The following ICE1 variants were observed in gnomAD, a reference collection of about 807,000 sequenced individuals.
ICE1 encodes little elongation complex subunit 1.
A neutral mutation model predicts 192.7 loss-of-function variants in ICE1; 64 were observed. The observed-to-expected ratio is 0.33, with a 90% confidence interval of 0.27 to 0.41. ICE1 has a LOEUF of 0.41. ICE1 is among the 10% of genes least tolerant of loss of function. ICE1 has a pLI of 1.00. For synonymous variants in ICE1, 1,010 were observed against 984.5 expected (o/e 1.03, Z -0.49); for missense variants, 2,708 against 2,696.0 (o/e 1.00, Z -0.10).
In ICE1 at chr5:5,461,820, G is replaced by T. The variant is rs988368397; in HGVS notation, c.2486G>T (p.Arg829Ile). 1.3e-5 allele frequency: 21 copies of T among 1,613,842 alleles called. No homozygotes were observed. Among genetic ancestry groups the T allele is most frequent in the Non-Finnish European group, 1.5e-5 (18 of 1,179,892 alleles). Residue 829 changes from arginine (R) to isoleucine (I), a missense_variant, in exon 13 of 19, where the codon AGA becomes ATA. This residue lies in a region of ICE1 where 2,366 missense variants were observed against 2,276.6 expected (regional missense o/e 1.04). Coordinates refer to ENST00000296564, the MANE Select transcript of ICE1 (RefSeq NM_015325.3). ...AAGGCAATGCCATTCCTACAAAATA[G>T]AGGACCAACACCCAAGCCTGATCTT... ...LQKAMPFLQN[R>I]GPTPKPDLLR...
chr5:5,446,757 C>G (rs1034733858), intron 7 of ICE1, among the ~76,000 whole-genome samples: 6 of 152,070 alleles, frequency 3.9e-5, no homozygotes, highest in African/African-American at 1.4e-4. Flanking sequence ...AATATCCAAA[C>G]TTGTTAGAGG....
chr5:5,480,509 A>G (rs558765786), intron 17 of ICE1, among the ~76,000 whole-genome samples: 7 of 152,220 alleles, frequency 4.6e-5, no homozygotes, highest in Non-Finnish European at 1.0e-4. Flanking sequence ...CGGCCTCCCA[A>G]AGTGCTGGGA....
chr5:5,453,490 G>C (rs1259089011), intron 10 of ICE1, among the ~76,000 whole-genome samples: 3 of 152,078 alleles, frequency 2.0e-5, no homozygotes, highest in Admixed American at 2.0e-4. Flanking sequence ...TTAAAGTTTG[G>C]TCTTTTAAGC....
chr5:5,457,763 T>G (rs1304291673), intron 12 of ICE1, 22 bp downstream of exon 12: 1 of 1,595,014 alleles, frequency 6.3e-7, no homozygotes, highest in Non-Finnish European at 8.6e-7. Flanking sequence ...TCTCTGAATT[T>G]GAATTACCAA....
chr5:5,460,987 A>C lies in ICE1; in HGVS notation c.1653A>C (p.Val551=). The stretch of plus-strand genomic sequence containing the variant: ...TCATGGAATCTGAAGGAAAAACCGT[A>C]TTGTCTAAAATGATGGGATCGCCCA... ...NELMESEGKT[V]LSKMMGSPKS... is the part of the protein sequence containing the mutation. The change falls in exon 13 of 19, where the codon GTA becomes GTC. Residue 551 remains valine, a synonymous_variant. Transcript: ENST00000296564. 1 of 1,614,056 alleles carries C rather than the reference A, an allele frequency of 6.2e-7. No individual in the cohort carries two copies. Among genetic ancestry groups the C allele is most frequent in the Admixed American group, 1.7e-5 (1 of 60,028 alleles).
In ICE1 at chr5:5,462,911, G is replaced by T; in HGVS notation, c.3577G>T (p.Val1193Phe). ...AGGGGATTATAGTTCAGGGGACTCT[G>T]TTTCTGAATGTTCTAGTAAAGGAAC... is the stretch of plus-strand genomic sequence containing the variant. ...QLGDYSSGDS[V>F]SECSSKGTLS... Residue 1193 changes from valine to phenylalanine, a missense_variant, in exon 13 of 19, where the codon GTT becomes TTT. By Grantham distance (50) the Val-to-Phe change is conservative (BLOSUM62 -1). Transcript: ENST00000296564. 6.2e-7 allele frequency: 1 copy of T among 1,608,598 alleles called. No homozygotes were observed. The highest frequency in any genetic ancestry group is 1.1e-5 in the South Asian group (1 of 89,954).
At chr5:5,440,374 C>T (rs1318620951) in intron 4 of ICE1, among the ~76,000 whole-genome samples, 1 of 152,166 alleles carries the variant, frequency 6.6e-6, no homozygotes, top group African/African-American at 2.4e-5. Context: ...AATTGCCTGT[C>T]ACTTAAATTG....
At chr5:5,475,175 C>G (rs983348146) in intron 16 of ICE1, among the ~76,000 whole-genome samples, 14 of 152,124 alleles carry the variant, frequency 9.2e-5, no homozygotes, top group Non-Finnish European at 1.9e-4. Flanking sequence ...GCTTCGTCCA[C>G]GATCCCTGCA....
At chr5:5,431,341 C>G (rs983969378) in intron 1 of ICE1, among the ~76,000 whole-genome samples, 2 of 152,154 alleles carry the variant, frequency 1.3e-5, no homozygotes, top group African/African-American at 4.8e-5. Context: ...TATAAATACT[C>G]GAATGTTTTC....
intron 17 of ICE1, among the ~76,000 whole-genome samples, chr5:5,476,881 G>T (rs1367553855): frequency 1.3e-5 from 2 of 152,068 alleles, no homozygotes; most frequent in Non-Finnish European, 2.9e-5. Context: ...CTTGATAAGG[G>T]TCACTTAAGC....
intron 1 of ICE1, 115 bp from the exon 2 acceptor site, chr5:5,436,303 C>T: frequency 3.0e-6 from 2 of 667,982 alleles, no homozygotes; most frequent in Non-Finnish European, 4.7e-6. Context: ...AATGCATTAA[C>T]ATTTCTATGT....
intron 4 of ICE1, among the ~76,000 whole-genome samples, chr5:5,440,323 A>T (rs1738002379): frequency 6.6e-6 from 1 of 152,194 alleles, no homozygotes; most frequent in South Asian, 2.1e-4. Context: ...TGGATTCATC[A>T]CCCAGATGAA....
Position 5,450,140 on chromosome 5 carries a change from G to T in ICE1, c.604+2243G>T, listed in dbSNP as rs574798932. ...AGCAACAGACGCAAGAAGACTGAGA[G>T]AAACAGTCTTTAATTATGAATGAGA... On this transcript the variant is annotated intron_variant, in intron 10 of 18. Transcript: ENST00000296564. 1.1e-4 allele frequency among the ~76,000 whole-genome samples: 16 copies of T among 152,358 alleles called. 1 individual carries two copies. The highest frequency in any genetic ancestry group is 3.8e-4 in the African/African-American group (16 of 41,600).
Position 5,466,514 on chromosome 5 carries a change from T to C in ICE1, c.6061+12T>C. ...CCTACTTAAAGAAGGTATGCTTAGA[T>C]TGTGACAATTTTGTATTGAAAATAT... On this transcript the variant is annotated intron_variant, in intron 14 of 18. Coordinates refer to ENST00000296564, the MANE Select transcript of ICE1 (RefSeq NM_015325.3). 1 of 1,592,450 alleles carries C rather than the reference T, an allele frequency of 6.3e-7. No individual in the cohort carries two copies. The highest frequency in any genetic ancestry group is 8.5e-7 in the Non-Finnish European group (1 of 1,171,630).
Position 5,447,842 on chromosome 5 carries a change from G to A in ICE1, c.549G>A (p.Glu183=). The A allele has an allele frequency of 4.4e-6, 7 of 1,578,592 alleles. No individual in the cohort carries two copies. The highest frequency in any genetic ancestry group is 6.0e-6 in the Non-Finnish European group (7 of 1,159,774). The change falls in exon 10 of 19, where the codon GAG becomes GAA. Residue 183 remains glutamate, a splice_region_variant and synonymous_variant. Coordinates refer to ENST00000296564, the MANE Select transcript of ICE1 (RefSeq NM_015325.3). ...ACCGTTTTTTCCCCATGCTTTTAGA[G>A]TTGAGACATATTGGAACACAAATTT... ...DEFSKQKNEK[E]LRHIGTQISS...
chr5:5,460,882 C>T lies in ICE1; in HGVS notation c.1548C>T (p.Ser516=), dbSNP rs200502665. The T allele has an allele frequency of 1.1e-5, 18 of 1,613,886 alleles. No homozygotes were observed. The highest frequency in any genetic ancestry group is 1.4e-5 in the Non-Finnish European group (16 of 1,179,896). ...RGLCIERLSA[S]PAQEKEAAPG... Reference sequence around the variant, plus strand: ...TATGCATTGAGAGATTGTCTGCCAGCCCTGCACAAGAGAAGGAAGCTGCCC... The same window carrying T: ...TATGCATTGAGAGATTGTCTGCCAGTCCTGCACAAGAGAAGGAAGCTGCCC... The change falls in exon 13 of 19, where the codon AGC becomes AGT. Residue 516 remains serine, a synonymous_variant. Transcript: ENST00000296564.
At position 5,464,606 on chromosome 5, in the gene ICE1, G is replaced by C. The variant is rs1258185624; in HGVS notation, c.5272G>C (p.Glu1758Gln). Reference protein sequence around the residue: ...SVKILDTMYPELSARARTLNI... With the variant: ...SVKILDTMYPQLSARARTLNI... ...GAAAATCCTTGACACCATGTATCCA[G>C]AGTTATCTGCCAGGGCCCGGACCCT... The change falls in exon 13 of 19, where the codon GAG becomes CAG. Residue 1758 changes from glutamate (E) to glutamine (Q), a missense_variant. Coordinates refer to ENST00000296564, the MANE Select transcript of ICE1 (RefSeq NM_015325.3). The surrounding 1 kb of genome is among the most constrained non-coding windows in gnomAD (Gnocchi z 4.0). 1 of 1,611,660 alleles carries C rather than the reference G, an allele frequency of 6.2e-7. No homozygotes were observed. Among genetic ancestry groups the C allele is most frequent in the East Asian group, 2.2e-5 (1 of 44,808 alleles).
At chr5:5,456,391 C>G (rs1489962720) in intron 11 of ICE1, among the ~76,000 whole-genome samples, 1 of 152,178 alleles carries the variant, frequency 6.6e-6, no homozygotes, top group Non-Finnish European at 1.5e-5. Flanking sequence ...TTTTATTTGT[C>G]TCATTCCATC....
chr5:5,426,882 A>G (rs1302832159), intron 1 of ICE1, among the ~76,000 whole-genome samples: 1 of 152,236 alleles, frequency 6.6e-6, no homozygotes, highest in Non-Finnish European at 1.5e-5. Context: ...AGGTACAGAG[A>G]GAAGATATTC....
Sources: gnomAD v4.1 joint callset for allele counts (sites outside exome capture counted in the v4.1 genomes callset) on GRCh38, gnomAD v4.1.1 for gene constraint, gnomAD v4.1.1 regional missense constraint, Gnocchi (gnomAD v3.1) non-coding constraint, MANE v1.5 for transcripts, NCBI Gene and HGNC (gene_info 2026-07-23, HGNC 2026-07-21) for gene names.